The following CDH13 variants were observed in gnomAD, a reference collection of about 807,000 sequenced individuals.
The protein encoded by CDH13 is cadherin-13.
CDH13 carries 24 observed loss-of-function variants against 63.8 expected under a neutral mutation model. That is an observed-to-expected ratio of 0.38 (90% CI 0.27 to 0.53). CDH13 has a LOEUF of 0.53. Among genes scored for constraint, CDH13 ranks in the 20% least tolerant of loss-of-function variants. The probability of loss-of-function intolerance (pLI) is 0.85; values close to 1 mark genes in which losing one functional copy is unlikely to be tolerated. For synonymous variants in CDH13, 503 were observed against 355.3 expected (o/e 1.42, Z -4.67); for missense variants, 1,049 against 903.1 (o/e 1.16, Z -2.07).
chr16:83,706,044 A>C (rs1906991613), intron 10 of CDH13, among the ~76,000 whole-genome samples: 1 of 152,198 alleles, frequency 6.6e-6, no homozygotes, highest in South Asian at 2.1e-4. Flanking sequence ...GAATGTGAGC[A>C]GGGCACACTG....
At position 83,171,604 on chromosome 16, in the gene CDH13, T is replaced by G. The variant is rs180718349; in HGVS notation, c.484-45741T>G. ...GGAAATTTTGAAATATCTGTGTCTCTATCTTCATTTCCTTGTTTGTGTCTC... is the reference window on the plus strand; with the variant it reads ...GGAAATTTTGAAATATCTGTGTCTCGATCTTCATTTCCTTGTTTGTGTCTC... On this transcript the variant is annotated intron_variant, in intron 4 of 13. Coordinates refer to ENST00000567109, the MANE Select transcript of CDH13 (RefSeq NM_001257.5). 9 of 1,492,024 alleles carry G rather than the reference T, an allele frequency of 6.0e-6. No individual in the cohort carries two copies. The African/African-American group carries it at 9.7e-5, about 16-fold the overall frequency. The allele number at this position is 1,492,024 out of a possible 1,614,324, so 92.4% of individuals were successfully genotyped here. A position where few individuals can be genotyped will look rare whatever the true frequency, so the allele number is the denominator to read the frequency against.
chr16:83,586,442 T>C (rs1185848378), intron 7 of CDH13, among the ~76,000 whole-genome samples: 1 of 152,190 alleles, frequency 6.6e-6, no homozygotes, highest in Non-Finnish European at 1.5e-5. Flanking sequence ...GGCTTGTTTA[T>C]GGGTTTTATT....
chr16:83,684,794 T>C (rs73250483), intron 10 of CDH13, among the ~76,000 whole-genome samples: 13,554 of 152,272 alleles, frequency 0.089, 1,127 homozygotes, highest in African/African-American at 0.22. Context: ...TGCGAGTATA[T>C]GTCAAGCATT....
chr16:83,120,193 A>G (rs1390660829), intron 3 of CDH13, among the ~76,000 whole-genome samples: 1 of 152,082 alleles, frequency 6.6e-6, no homozygotes, highest in Non-Finnish European at 1.5e-5. Flanking sequence ...TTTCTTGGGC[A>G]CTTTAGATCC....
At chr16:83,794,691 T>C (rs921213557) in intron 13 of CDH13, among the ~76,000 whole-genome samples, 2 of 152,206 alleles carry the variant, frequency 1.3e-5, no homozygotes, top group African/African-American at 2.4e-5. Flanking sequence ...ATCTCTAAGA[T>C]ACATAGCATG....
At chr16:83,310,020 T>C (rs1319818285) in intron 5 of CDH13, among the ~76,000 whole-genome samples, 1 of 152,176 alleles carries the variant, frequency 6.6e-6, no homozygotes, top group Non-Finnish European at 1.5e-5. Flanking sequence ...ATATCAATGG[T>C]TGAAAGAATA....
intron 4 of CDH13, among the ~76,000 whole-genome samples, chr16:83,157,964 C>T (rs1369797132): frequency 6.6e-6 from 1 of 151,890 alleles, no homozygotes; most frequent in Non-Finnish European, 1.5e-5. Context: ...CTCAAAGCTT[C>T]CTCAGATTGT....
chr16:82,741,460 G>A (rs1305754030), intron 1 of CDH13, among the ~76,000 whole-genome samples: 1 of 152,076 alleles, frequency 6.6e-6, no homozygotes. Flanking sequence ...TTATACATAT[G>A]GCTATAAAGC....
chr16:83,675,838 A>G (rs991335138), intron 9 of CDH13, among the ~76,000 whole-genome samples: 1 of 152,220 alleles, frequency 6.6e-6, no homozygotes, highest in Non-Finnish European at 1.5e-5. Context: ...AATCAAAATA[A>G]TAGATAATTG....
intron 7 of CDH13, among the ~76,000 whole-genome samples, chr16:83,535,924 A>G (rs1219871987): frequency 7.1e-6 from 1 of 141,582 alleles, no homozygotes; most frequent in East Asian, 2.1e-4. Flanking sequence ...GGAAAGAAGG[A>G]AAGAAGGAAG....
intron 5 of CDH13, among the ~76,000 whole-genome samples, chr16:83,318,344 C>G (rs924677420): frequency 6.6e-6 from 1 of 152,104 alleles, no homozygotes; most frequent in Non-Finnish European, 1.5e-5. Context: ...TTGGTGAACT[C>G]TAGTATTTGG....
intron 1 of CDH13, among the ~76,000 whole-genome samples, chr16:82,655,785 C>A (rs983087943): frequency 8.5e-5 from 13 of 152,180 alleles, no homozygotes; most frequent in Non-Finnish European, 1.9e-4. Context: ...CCCTTATTAT[C>A]ATTCTTTCCC....
chr16:83,686,921 T>C (rs918461476), intron 10 of CDH13, among the ~76,000 whole-genome samples: 4 of 152,100 alleles, frequency 2.6e-5, no homozygotes, highest in African/African-American at 7.2e-5. Flanking sequence ...TAAGTAGACA[T>C]GGGTTGACCG....
At chr16:83,012,397 A>C (rs1311018847) in intron 2 of CDH13, among the ~76,000 whole-genome samples, 1 of 149,616 alleles carries the variant, frequency 6.7e-6, no homozygotes, top group East Asian at 2.0e-4. Context: ...GCCCTGGTCC[A>C]AGGAAAATAT....
chr16:83,021,591 A>G (rs1052236405), intron 2 of CDH13, among the ~76,000 whole-genome samples: 1 of 152,224 alleles, frequency 6.6e-6, no homozygotes, highest in Non-Finnish European at 1.5e-5. Context: ...TCTGCTGAAG[A>G]TTGTTGGACT....
chr16:82,891,660 C>A (rs1278648250), intron 2 of CDH13, among the ~76,000 whole-genome samples: 1 of 152,150 alleles, frequency 6.6e-6, no homozygotes, highest in Non-Finnish European at 1.5e-5. Context: ...TGTATTGCGG[C>A]TGTAAATGCC....
intron 2 of CDH13, among the ~76,000 whole-genome samples, chr16:82,990,877 T>G (rs529497543): frequency 3.3e-5 from 5 of 152,116 alleles, no homozygotes; most frequent in Non-Finnish European, 7.3e-5. Flanking sequence ...CTTATCAGAT[T>G]TCAGCACCAA....
chr16:83,528,455 G>A (rs1317230923), intron 7 of CDH13, among the ~76,000 whole-genome samples: 1 of 152,134 alleles, frequency 6.6e-6, no homozygotes, highest in Non-Finnish European at 1.5e-5. Context: ...GGGGTGTATA[G>A]TGAAACATCA....
intron 5 of CDH13, among the ~76,000 whole-genome samples, chr16:83,266,230 C>A (rs1293470219): frequency 6.6e-6 from 1 of 152,088 alleles, no homozygotes; most frequent in East Asian, 1.9e-4. Context: ...AAGTCACTCT[C>A]ACACACATAC....
Sources: gnomAD v4.1 joint callset for allele counts (sites outside exome capture counted in the v4.1 genomes callset) on GRCh38, gnomAD v4.1.1 for gene constraint, MANE v1.5 for transcripts, NCBI Gene and HGNC (gene_info 2026-07-23, HGNC 2026-07-21) for gene names.